ZNF618: variants seen among roughly 807,000 people sequenced by gnomAD.
ZNF618 encodes the protein zinc finger protein 618.
A neutral mutation model predicts 103.0 loss-of-function variants in ZNF618; 34 were observed. The ratio of observed to expected loss-of-function variants is 0.33; its 90% CI spans 0.25 to 0.44. The LOEUF is 0.44. Among genes scored for constraint, ZNF618 ranks in the 20% least tolerant of loss-of-function variants. The pLI is 1.00. For synonymous variants in ZNF618, 551 were observed against 542.2 expected (o/e 1.02, Z -0.23); for missense variants, 1,059 against 1,295.4 (o/e 0.82, Z 2.80).
chr9:114,012,113 T>C (rs1172984151), intron 9 of ZNF618, among the ~76,000 whole-genome samples: 3 of 151,296 alleles, frequency 2.0e-5, no homozygotes, highest in Admixed American at 6.6e-5. Context: ...CTGAAAATGA[T>C]CTACCACAAA....
intron 1 of ZNF618, among the ~76,000 whole-genome samples, chr9:113,895,326 CA>C (rs1829945383): frequency 6.6e-6 from 1 of 151,928 alleles, no homozygotes; most frequent in Non-Finnish European, 1.5e-5. Flanking sequence ...CCCAGATGGC[CA>C]TATGGTTTTT....
At chr9:114,041,389 A>T (rs962493021) in intron 13 of ZNF618, among the ~76,000 whole-genome samples, 5 of 152,356 alleles carry the variant, frequency 3.3e-5, no homozygotes, top group Admixed American at 6.5e-5. Flanking sequence ...TGTTTTAGAC[A>T]TGAAGTCCTT....
At chr9:113,901,827 G>C (rs1374001808) in intron 1 of ZNF618, among the ~76,000 whole-genome samples, 1 of 152,060 alleles carries the variant, frequency 6.6e-6, no homozygotes, top group Admixed American at 6.5e-5. Flanking sequence ...CCAAACTCCT[G>C]TTCTCCGGAC....
chr9:113,895,422 G>T (rs1225660228), intron 1 of ZNF618, among the ~76,000 whole-genome samples: 1 of 151,984 alleles, frequency 6.6e-6, no homozygotes, highest in African/African-American at 2.4e-5. Context: ...TTTGTTTATG[G>T]TGTTTTTATT....
At chr9:114,027,246 G>T (rs1180149710) in intron 10 of ZNF618, among the ~76,000 whole-genome samples, 1 of 152,252 alleles carries the variant, frequency 6.6e-6, no homozygotes, top group Non-Finnish European at 1.5e-5. Flanking sequence ...AGACTTCTCA[G>T]TTCCTGATTC....
Position 114,056,303 on chromosome 9 carries a change from A to C in ZNF618, c.*6136A>C, listed in dbSNP as rs1158736537. The C allele has an allele frequency of 6.6e-6, 1 of 152,258 alleles. No homozygotes were observed. The highest frequency in any genetic ancestry group is 1.5e-5 in the Non-Finnish European group (1 of 68,050). The allele number at this position is 152,258 out of a possible 1,614,324, so 9.4% of individuals were successfully genotyped here. ...GAAAAAAAGATTTTTACAAAGTAATAAAATTTAAAACTGAGCTGTTTAATG... is the reference window on the plus strand; with the variant it reads ...GAAAAAAAGATTTTTACAAAGTAATCAAATTTAAAACTGAGCTGTTTAATG... On this transcript the variant is annotated 3_prime_UTR_variant, in exon 15 of 15. Transcript: ENST00000374126.
At chr9:113,908,989 G>A (rs1831249206) in intron 1 of ZNF618, among the ~76,000 whole-genome samples, 1 of 151,704 alleles carries the variant, frequency 6.6e-6, no homozygotes, top group South Asian at 2.1e-4. Context: ...TAAGTTCCTG[G>A]GTCAGTCGCC....
intron 9 of ZNF618, among the ~76,000 whole-genome samples, chr9:114,014,665 A>G (rs556700170): frequency 6.6e-6 from 1 of 152,382 alleles, no homozygotes; most frequent in South Asian, 2.1e-4. Flanking sequence ...ATGCCAGACA[A>G]ACTAATAAAA....
intron 2 of ZNF618, among the ~76,000 whole-genome samples, chr9:113,979,125 G>T (rs1330151274): frequency 6.6e-6 from 1 of 152,196 alleles, no homozygotes; most frequent in Non-Finnish European, 1.5e-5. Flanking sequence ...AAATCTTCCA[G>T]AACCATATGG....
At position 114,053,502 on chromosome 9, in the gene ZNF618, G is replaced by A. The variant is rs1464525222; in HGVS notation, c.*3335G>A. 6.6e-6 allele frequency: 1 copy of A among 152,242 alleles called. No homozygotes were observed. Among genetic ancestry groups the A allele is most frequent in the Non-Finnish European group, 1.5e-5 (1 of 68,064 alleles). The allele number at this position is 152,242 out of a possible 1,614,324, so 9.4% of individuals were successfully genotyped here. ...GGTCCCCAGGACAGAAATGGCCTTT[G>A]TTTTGACATACATGGACCCAAAAGG... On this transcript the variant is annotated 3_prime_UTR_variant, in exon 15 of 15. Coordinates refer to ENST00000374126, the MANE Select transcript of ZNF618 (RefSeq NM_001318042.2).
At chr9:113,971,250 C>T (rs2132854699) in intron 2 of ZNF618, among the ~76,000 whole-genome samples, 1 of 152,114 alleles carries the variant, frequency 6.6e-6, no homozygotes, top group South Asian at 2.1e-4. Flanking sequence ...GTCTAGACCA[C>T]CCTGTCATTG....
intron 10 of ZNF618, among the ~76,000 whole-genome samples, chr9:114,019,402 T>C (rs1842897427): frequency 6.6e-6 from 1 of 152,102 alleles, no homozygotes; most frequent in Admixed American, 6.5e-5. Context: ...TGTTTAACTT[T>C]TTAATAAGTG....
At chr9:113,957,805 C>CTT (rs34031250) in intron 1 of ZNF618, among the ~76,000 whole-genome samples, 11,436 of 145,284 alleles carry the variant, frequency 0.079, 553 homozygotes, top group East Asian at 0.21. Context: ...CAAAAGTTTC[C>CTT]TTTTTTTTTT....
rs751071339 is a variant in ZNF618, at chr9:114,049,546, G to T, written c.2244G>T (p.Glu748Asp). The T allele has an allele frequency of 6.2e-7, 1 of 1,613,848 alleles. No homozygotes were observed. Among genetic ancestry groups the T allele is most frequent in the Admixed American group, 1.7e-5 (1 of 60,026 alleles). ...ILTPVKQAVI[E>D]LSNESQPTLQ... ...CGCCGGTGAAGCAGGCAGTCATCGA[G>T]CTGAGCAACGAGAGCCAGCCCACCC... is the stretch of plus-strand genomic sequence containing the variant. The change falls in exon 15 of 15, where the codon GAG becomes GAT. Residue 748 changes from glutamate (E) to aspartate (D), a missense_variant. By Grantham distance (45) the Glu-to-Asp change is conservative (BLOSUM62 2). Around this residue, in one of 6 missense-constraint regions of ZNF618, gnomAD observed 272 missense variants for 380.1 expected, o/e 0.72. Transcript: ENST00000374126.
rs979684064 is a variant in ZNF618 at position 114,055,737 on chromosome 9, CA to C, written c.*5577del. On this transcript the variant is annotated 3_prime_UTR_variant, in exon 15 of 15. Transcript: ENST00000374126. ...AAAAAAAAAATACAAAAAAAATTTA[CA>C]AAAAAACAAACACAAAAAAAATATC... is the stretch of plus-strand genomic sequence containing the variant. 1 of 150,992 alleles carries C rather than the reference CA, an allele frequency of 6.6e-6. No homozygotes were observed. The highest frequency in any genetic ancestry group is 1.5e-5 in the Non-Finnish European group (1 of 67,744). 9.4% of individuals were successfully genotyped at this position (150,992 alleles called of 1,614,324 possible).
Position 114,050,924 on chromosome 9 carries a change from CCTAT to C in ZNF618, c.*764_*767del, listed in dbSNP as rs1337834254. On this transcript the variant is annotated 3_prime_UTR_variant, in exon 15 of 15. Transcript: ENST00000374126. ...CCGGGGCAGCCGCCTTAGAAACACA[CCTAT>C]CTATCTCCCCAAATCAGGAAAGGAG... 1.4e-4 allele frequency: 22 copies of C among 152,756 alleles called. No individual in the cohort carries two copies. Among genetic ancestry groups the C allele is most frequent in the African/African-American group, 5.3e-4 (22 of 41,556 alleles). 9.5% of individuals were successfully genotyped at this position (152,756 alleles called of 1,614,324 possible). A position where few individuals can be genotyped will look rare whatever the true frequency, so the allele number is the denominator to read the frequency against.
At chr9:113,947,309 C>T (rs1325869891) in intron 1 of ZNF618, among the ~76,000 whole-genome samples, 1 of 152,136 alleles carries the variant, frequency 6.6e-6, no homozygotes, top group Non-Finnish European at 1.5e-5. Context: ...TCTCAGTTTC[C>T]TCCTCTGGAC....
chr9:113,931,839 A>G (rs1347374227), intron 1 of ZNF618, among the ~76,000 whole-genome samples: 6 of 152,220 alleles, frequency 3.9e-5, no homozygotes, highest in Non-Finnish European at 8.8e-5. Context: ...ACTTTTTTAA[A>G]TGTGTCTACT....
chr9:114,030,078 G>A (rs181143270), intron 11 of ZNF618, among the ~76,000 whole-genome samples: 2 of 152,162 alleles, frequency 1.3e-5, no homozygotes, highest in East Asian at 1.9e-4. Context: ...AGATGATCAA[G>A]GTGAGAACTC....
Sources: gnomAD v4.1 joint callset for allele counts (sites outside exome capture counted in the v4.1 genomes callset) on GRCh38, gnomAD v4.1.1 for gene constraint, gnomAD v4.1.1 regional missense constraint, MANE v1.5 for transcripts, NCBI Gene and HGNC (gene_info 2026-07-23, HGNC 2026-07-21) for gene names.